The following LRRC7 variants were observed in gnomAD, a reference collection of about 807,000 sequenced individuals.
LRRC7 encodes the protein leucine rich repeat containing 7, also known as leucine-rich repeat-containing protein 7.
A neutral mutation model predicts 175.7 loss-of-function variants in LRRC7; 23 were observed. The observed-to-expected ratio is 0.13, with a 90% CI of 0.09 to 0.19. The LOEUF (loss-of-function observed/expected upper bound fraction) is 0.19. Ranked by LOEUF, LRRC7 falls within the 10% of genes least tolerant of loss-of-function variation. LRRC7 has a pLI of 1.00. For synonymous variants in LRRC7, 685 were observed against 680.9 expected (o/e 1.01, Z -0.09); for missense variants, 1,354 against 1,904.7 (o/e 0.71, Z 5.38).
At chr1:69,758,507 TCTAA>T (rs1202217743) in intron 2 of LRRC7, among the ~76,000 whole-genome samples, 1 of 152,020 alleles carries the variant, frequency 6.6e-6, no homozygotes, top group African/African-American at 2.4e-5. Context: ...ATTTTTTTCT[TCTAA>T]CTTTTACTTA....
At chr1:69,864,353 A>T (rs184271015) in intron 7 of LRRC7, among the ~76,000 whole-genome samples, 1 of 152,318 alleles carries the variant, frequency 6.6e-6, no homozygotes, top group East Asian at 1.9e-4. Context: ...AGTTGGATGA[A>T]TAGATGGATG....
intron 7 of LRRC7, chr1:69,874,271 T>C (rs1685841246): frequency 6.6e-6 from 1 of 152,202 alleles, no homozygotes; most frequent in South Asian, 2.1e-4. Context: ...ATGATACTTT[T>C]GCTAAATAAA....
At chr1:69,705,804 T>C (rs1026970637) in intron 2 of LRRC7, among the ~76,000 whole-genome samples, 2 of 152,118 alleles carry the variant, frequency 1.3e-5, no homozygotes, top group African/African-American at 2.4e-5. Context: ...TAGACTCTGA[T>C]TTTGGACATG....
Position 69,678,476 on chromosome 1 carries a change from A to G in LRRC7, c.98A>G (p.Glu33Gly). ...RAALRKRPEE[E>G]LQCLEMTTKR... ...GCACTTCGGAAGAGGCCTGAAGAGG[A>G]GTGTAAGTATGTTTAATAGGATTAC... The change falls in exon 2 of 27, where the codon GAG becomes GGG. Residue 33 changes from glutamate to glycine, a missense_variant and splice_region_variant. This residue lies in a region of LRRC7 where 68 missense variants were observed against 83.4 expected (regional missense o/e 0.82). Transcript: ENST00000651989. 1 of 1,598,388 alleles carries G rather than the reference A, an allele frequency of 6.3e-7. No individual in the cohort carries two copies. Among genetic ancestry groups the G allele is most frequent in the Non-Finnish European group, 8.5e-7 (1 of 1,171,948 alleles).
chr1:69,612,837 G>C (rs1210665114), intron 1 of LRRC7, among the ~76,000 whole-genome samples: 1 of 151,880 alleles, frequency 6.6e-6, no homozygotes, highest in East Asian at 1.9e-4. Flanking sequence ...AGAGACTGAA[G>C]CTTAGGGATT....
At chr1:70,064,919 C>G (rs1661856603) in intron 23 of LRRC7, among the ~76,000 whole-genome samples, 1 of 151,890 alleles carries the variant, frequency 6.6e-6, no homozygotes. Flanking sequence ...TTCTCTTAAG[C>G]ACTAGAGGCC....
At chr1:70,047,410 TC>T (rs1022391210) in intron 22 of LRRC7, among the ~76,000 whole-genome samples, 2 of 152,110 alleles carry the variant, frequency 1.3e-5, no homozygotes, top group African/African-American at 4.8e-5. Flanking sequence ...GAAACATGTA[TC>T]CCCACCCTCT....
chr1:69,840,321 C>T (rs1414764798), intron 7 of LRRC7, among the ~76,000 whole-genome samples: 1 of 151,912 alleles, frequency 6.6e-6, no homozygotes, highest in African/African-American at 2.4e-5. Flanking sequence ...CCTCATGTAA[C>T]TTAAAGCTAC....
chr1:70,104,547 A>G (rs1446430804), intron 25 of LRRC7, among the ~76,000 whole-genome samples: 1 of 152,172 alleles, frequency 6.6e-6, no homozygotes, highest in Non-Finnish European at 1.5e-5. Flanking sequence ...ATATACTTGG[A>G]AAAAAGGAAA....
intron 8 of LRRC7, among the ~76,000 whole-genome samples, chr1:69,941,160 G>A (rs1016809698): frequency 4.6e-5 from 7 of 152,022 alleles, no homozygotes; most frequent in Non-Finnish European, 5.9e-5. Flanking sequence ...CCAGAAGGAC[G>A]CAGTAGACCA....
chr1:69,691,669 A>G (rs541146394), intron 2 of LRRC7, among the ~76,000 whole-genome samples: 2 of 151,926 alleles, frequency 1.3e-5, no homozygotes, highest in Non-Finnish European at 2.9e-5. Flanking sequence ...GTAGTGGCAC[A>G]TGCCTGTAGT....
chr1:69,907,232 C>G (rs1238860696), intron 7 of LRRC7, among the ~76,000 whole-genome samples: 1 of 152,166 alleles, frequency 6.6e-6, no homozygotes, highest in Non-Finnish European at 1.5e-5. Context: ...TTCCTCTTTT[C>G]CTAATCGAAT....
At chr1:69,801,125 G>A (rs1427549539) in intron 4 of LRRC7, among the ~76,000 whole-genome samples, 5 of 151,722 alleles carry the variant, frequency 3.3e-5, no homozygotes, top group Admixed American at 2.6e-4. Flanking sequence ...TTGTTTACTA[G>A]TATTTTGTTG....
At chr1:70,072,926 A>T (rs1310458729) in intron 23 of LRRC7, among the ~76,000 whole-genome samples, 2 of 152,164 alleles carry the variant, frequency 1.3e-5, no homozygotes, top group Non-Finnish European at 2.9e-5. Context: ...TCATGGTTCA[A>T]CTAATGAGGG....
intron 8 of LRRC7, among the ~76,000 whole-genome samples, chr1:69,958,328 G>T (rs1489488378): frequency 6.6e-6 from 1 of 151,996 alleles, no homozygotes; most frequent in Non-Finnish European, 1.5e-5. Context: ...CCAAAATGGA[G>T]GTCATAAAGA....
At chr1:69,826,658 C>A (rs1679944368) in intron 5 of LRRC7, among the ~76,000 whole-genome samples, 1 of 152,066 alleles carries the variant, frequency 6.6e-6, no homozygotes, top group East Asian at 1.9e-4. Flanking sequence ...CAGAGTAAGA[C>A]TGGCATTTTA....
chr1:69,713,172 G>T (rs1311382759), intron 2 of LRRC7, among the ~76,000 whole-genome samples: 2 of 152,042 alleles, frequency 1.3e-5, no homozygotes, highest in African/African-American at 4.8e-5. Context: ...CTTCTAAGGA[G>T]AGTGTTTGCT....
At chr1:69,782,726 G>T (rs987115578) in intron 3 of LRRC7, among the ~76,000 whole-genome samples, 1 of 152,152 alleles carries the variant, frequency 6.6e-6, no homozygotes, top group Admixed American at 6.5e-5. Context: ...GAAAAATTAT[G>T]AGGAGGAGAT....
At chr1:69,931,841 T>C (rs1438189792) in intron 8 of LRRC7, among the ~76,000 whole-genome samples, 1 of 152,228 alleles carries the variant, frequency 6.6e-6, no homozygotes, top group Non-Finnish European at 1.5e-5. Flanking sequence ...TGATTGGACA[T>C]GTTGCCATTT....
Sources: gnomAD v4.1 joint callset for allele counts (sites outside exome capture counted in the v4.1 genomes callset) on GRCh38, gnomAD v4.1.1 for gene constraint, gnomAD v4.1.1 regional missense constraint, MANE v1.5 for transcripts, NCBI Gene and HGNC (gene_info 2026-07-23, HGNC 2026-07-21) for gene names.